The following RANBP3 variants were observed in gnomAD, a reference collection of about 807,000 sequenced individuals.
RANBP3 encodes RAN binding protein 3.
In RANBP3, 14 loss-of-function variants were observed where a neutral mutation model predicts 77.3. That is an observed-to-expected ratio of 0.18 (90% CI 0.12 to 0.28). The LOEUF (loss-of-function observed/expected upper bound fraction) is 0.28. RANBP3 is among the 10% of genes least tolerant of loss of function. The pLI is 1.00. For missense variants in RANBP3, 586 were observed against 752.3 expected, an observed-to-expected ratio of 0.78 and a Z score of 2.59; for synonymous variants, 315 against 312.4, an observed-to-expected ratio of 1.01 and a Z score of -0.09.
chr19:5,940,317 A>G (rs1421879253), intron 5 of RANBP3, among the ~76,000 whole-genome samples: 2 of 152,188 alleles, frequency 1.3e-5, no homozygotes, highest in Non-Finnish European at 2.9e-5. Context: ...GTGAGGGGGA[A>G]GGAATAAAAT....
chr19:5,968,187 C>T (rs1409890440), intron 1 of RANBP3, among the ~76,000 whole-genome samples: 4 of 152,126 alleles, frequency 2.6e-5, no homozygotes, highest in Non-Finnish European at 5.9e-5. Context: ...ACAGGAATCC[C>T]CTCCTCTCTA....
intron 13 of RANBP3, among the ~76,000 whole-genome samples, chr19:5,922,601 G>A (rs2057837296): frequency 6.6e-6 from 1 of 152,244 alleles, no homozygotes; most frequent in South Asian, 2.1e-4. Context: ...TGGGCGACAA[G>A]AGAATATGTT....
chr19:5,945,195 T>C (rs2058188658), intron 3 of RANBP3, among the ~76,000 whole-genome samples: 1 of 152,206 alleles, frequency 6.6e-6, no homozygotes, highest in Non-Finnish European at 1.5e-5. Flanking sequence ...CCCAGGCCCC[T>C]TGCAGGCCAC....
chr19:5,951,780 G>C (rs1421099721), intron 2 of RANBP3, among the ~76,000 whole-genome samples, 184 bp from the exon 3 acceptor site: 1 of 152,204 alleles, frequency 6.6e-6, no homozygotes, highest in African/African-American at 2.4e-5. Flanking sequence ...CTCTCCGGCT[G>C]ACGGAAGGGA....
At position 5,952,315 on chromosome 19, in the gene RANBP3, T is replaced by A. The variant is rs1399367467; in HGVS notation, c.79-719A>T. ...TCAGCCTAGGATTCTCCCAGGTGCA[T>A]CCTCAACACCCCAGGCAAGGGCTCA... On this transcript the variant is annotated intron_variant, in intron 2 of 16. Transcript: ENST00000340578. The surrounding 1 kb of genome is among the most constrained non-coding windows in gnomAD (Gnocchi z 4.1). 6.6e-6 allele frequency among the ~76,000 whole-genome samples: 1 copy of A among 152,008 alleles called. No homozygotes were observed.
At chr19:5,943,353 G>A (rs1016627618) in intron 3 of RANBP3, among the ~76,000 whole-genome samples, 1 of 152,202 alleles carries the variant, frequency 6.6e-6, no homozygotes, top group Non-Finnish European at 1.5e-5. Context: ...AGGAGCACAG[G>A]AGCCAAGGCA....
chr19:5,925,390 G>A (rs1039311809), intron 10 of RANBP3: 1 of 576,700 alleles, frequency 1.7e-6, no homozygotes, highest in Admixed American at 3.0e-5. Context: ...GCCTCCATGG[G>A]CCCCTGGACA....
Position 5,931,496 on chromosome 19 carries a change from C to T in RANBP3, c.601G>A (p.Ala201Thr). Reference protein sequence around the residue: ...SSGTNGVSLPADCTGAVPAAS... With the variant: ...SSGTNGVSLPTDCTGAVPAAS... ...GCGGGCACTGCCCCCGTGCAGTCTG[C>T]TGGGAGGCTGACCCCGTTGGTGCCA... Residue 201 changes from alanine to threonine, a missense_variant, in exon 8 of 17, where the codon GCA becomes ACA. Ala to Thr is a moderately conservative substitution (Grantham distance 58, BLOSUM62 0). Transcript: ENST00000340578. 1 of 1,611,980 alleles carries T rather than the reference C, an allele frequency of 6.2e-7. No individual in the cohort carries two copies. The highest frequency in any genetic ancestry group is 1.1e-5 in the South Asian group (1 of 90,958).
chr19:5,949,065 C>T (rs755629016), intron 3 of RANBP3, among the ~76,000 whole-genome samples: 7 of 152,170 alleles, frequency 4.6e-5, no homozygotes, highest in African/African-American at 7.2e-5. Flanking sequence ...AACAATTCAG[C>T]GCACCACTGT....
At chr19:5,919,826 G>A (rs1167537483) in intron 14 of RANBP3, among the ~76,000 whole-genome samples, 3 of 152,012 alleles carry the variant, frequency 2.0e-5, no homozygotes, top group Non-Finnish European at 4.4e-5. Flanking sequence ...GCGTGAACCT[G>A]GGAGGTGGAG....
intron 1 of RANBP3, among the ~76,000 whole-genome samples, chr19:5,976,864 G>A (rs966821986): frequency 4.6e-5 from 7 of 152,190 alleles, no homozygotes; most frequent in East Asian, 1.9e-4. Context: ...CTGAGCACCC[G>A]TGGTCTGGCA....
intron 3 of RANBP3, 62 bp from the exon 4 acceptor site, chr19:5,941,897 C>G (rs2058142303): frequency 6.3e-7 from 1 of 1,588,310 alleles, no homozygotes; most frequent in African/African-American, 1.3e-5. Context: ...CCGAGCAACT[C>G]TCGGGGCCGT....
rs1382095536 is a variant in RANBP3, at chr19:5,921,316, C to G, written c.1215G>C (p.Gln405His). ...EEAESNVLQM[Q>H]CKLFVFDKTS... ...TCTTGTCAAAGACAAACAGCTTGCA[C>G]TGCATCTGGAACACAGTGGCCGCCG... The change falls in exon 14 of 17, where the codon CAG (glutamine) becomes CAC (histidine). Residue 405 changes from glutamine (Q) to histidine (H), a missense_variant. Coordinates refer to ENST00000340578, the MANE Select transcript of RANBP3 (RefSeq NM_007322.3). This position sits in a 1 kb window ranked among gnomAD's most constrained non-coding sequence, Gnocchi z 5.3. The G allele has an allele frequency of 1.9e-6, 3 of 1,613,580 alleles. No individual in the cohort carries two copies. Among genetic ancestry groups the G allele is most frequent in the South Asian group, 1.1e-5 (1 of 91,030 alleles).
At chr19:5,947,185 A>G (rs1307147120) in intron 3 of RANBP3, among the ~76,000 whole-genome samples, 1 of 151,972 alleles carries the variant, frequency 6.6e-6, no homozygotes, top group Non-Finnish European at 1.5e-5. Flanking sequence ...ATGGTGGTGC[A>G]TGCCTGTAAT....
At chr19:5,946,693 G>C (rs899625995) in intron 3 of RANBP3, among the ~76,000 whole-genome samples, 1 of 152,190 alleles carries the variant, frequency 6.6e-6, no homozygotes, top group African/African-American at 2.4e-5. Flanking sequence ...CCTGCACCTT[G>C]CTGGGATGGA....
rs1220676111 is a variant in RANBP3 at position 5,941,807 on chromosome 19, C to T, written c.311G>A (p.Gly104Asp). Reference protein sequence around the residue: ...GRSAGGSSPEGGEDSDREDGN... With the variant: ...GRSAGGSSPEDGEDSDREDGN... The stretch of plus-strand genomic sequence containing the variant: ...GTTAGAGAGCTCCTTACCTTCTCCG[C>T]CTTCAGGACTGGAGCCGCCAGCTGA... Residue 104 changes from glycine to aspartate, a missense_variant, in exon 4 of 17, where the codon GGC (glycine) becomes GAC (aspartate). This residue lies in a region of RANBP3 where 172 missense variants were observed against 183.4 expected (regional missense o/e 0.94). Transcript: ENST00000340578. The T allele has an allele frequency of 6.2e-7, 1 of 1,612,224 alleles. No homozygotes were observed. Among genetic ancestry groups the T allele is most frequent in the Admixed American group, 1.7e-5 (1 of 60,022 alleles).
chr19:5,964,866 GCAC>G (rs2058447536), intron 1 of RANBP3, among the ~76,000 whole-genome samples: 50 of 71,442 alleles, frequency 7.0e-4, no homozygotes, highest in Non-Finnish European at 9.7e-4. Flanking sequence ...GGGGGGGGTG[GCAC>G]GGTGGGGGGT....
Position 5,930,858 on chromosome 19 carries a change from C to T in RANBP3, c.693+546G>A, listed in dbSNP as rs890852346. On this transcript the variant is annotated intron_variant, in intron 8 of 16. Coordinates refer to ENST00000340578, the MANE Select transcript of RANBP3 (RefSeq NM_007322.3). Reference sequence around the variant, plus strand: ...TGCTGAGATTGCAGGTGTGAGCTACCGTGTCCGGCCTAAACAAACTATTTC... The same window carrying T: ...TGCTGAGATTGCAGGTGTGAGCTACTGTGTCCGGCCTAAACAAACTATTTC... Among the ~76,000 whole-genome samples the T allele has an allele frequency of 3.3e-5, 5 of 152,162 alleles. No homozygotes were observed. The East Asian group carries it at 9.6e-4, about 29-fold the overall frequency.
Position 5,918,640 on chromosome 19 carries a change from T to TA in RANBP3, c.1331-3dup, listed in dbSNP as rs764791135. 2 of 1,613,412 alleles carry TA rather than the reference T, an allele frequency of 1.2e-6. No individual in the cohort carries two copies. The highest frequency in any genetic ancestry group is 4.5e-5 in the East Asian group (2 of 44,856). Reference sequence around the variant, plus strand: ...GCAGGCTCCCCTGGGTCCGCATCACTACAACCAACAAGGCCACTCAGCCCT... The same window carrying TA: ...GCAGGCTCCCCTGGGTCCGCATCACTAACAACCAACAAGGCCACTCAGCCCT... On this transcript the variant is annotated splice_region_variant and splice_polypyrimidine_tract_variant and intron_variant, in intron 14 of 16. Coordinates refer to ENST00000340578, the MANE Select transcript of RANBP3 (RefSeq NM_007322.3).
Sources: allele counts gnomAD v4.1 joint callset (sites outside exome capture counted in the v4.1 genomes callset), GRCh38; gene constraint gnomAD v4.1.1; regional missense constraint gnomAD v4.1.1; non-coding constraint Gnocchi (gnomAD v3.1); transcripts MANE v1.5; gene names NCBI Gene and HGNC (gene_info 2026-07-23, HGNC 2026-07-21).